OR5H15: variants seen among roughly 807,000 people sequenced by gnomAD.
OR5H15 encodes the protein olfactory receptor 5H15.
For missense variants in OR5H15, 405 were observed against 366.1 expected, an observed-to-expected ratio of 1.11 and a Z score of -0.87; for synonymous variants, 153 against 129.1, an observed-to-expected ratio of 1.19 and a Z score of -1.26.
In OR5H15 at chr3:98,168,777, C is replaced by G. The variant is rs188567114; in HGVS notation, c.78C>G (p.Pro26=). The G allele has an allele frequency of 1.6e-4, 254 of 1,613,452 alleles. 1 individual carries two copies. In the South Asian group the frequency reaches 2.2e-3, roughly 14 times the overall value. The change falls in exon 2 of 2, where the codon CCC becomes CCG. Residue 26 remains proline, a synonymous_variant. Transcript: ENST00000641450. ...GFLYQPQWKI[P]LFLAFLVIYL... ...TATATCAACCACAGTGGAAAATACC[C>G]CTGTTCTTGGCATTCTTGGTAATAT...
At position 98,169,454 on chromosome 3, in the gene OR5H15, A is replaced by C; in HGVS notation, c.755A>C (p.Tyr252Ser). 3.1e-6 allele frequency: 5 copies of C among 1,613,452 alleles called. No homozygotes were observed. Among genetic ancestry groups the C allele is most frequent in the Non-Finnish European group, 4.2e-6 (5 of 1,179,712 alleles). ...CATCTCTTCTCTGTCTGTTTATACT[A>C]TGGCCCCCTTCTCTTAATGTATGTG... ...GAHLFSVCLY[Y>S]GPLLLMYVGP... Residue 252 changes from tyrosine to serine, a missense_variant, in exon 2 of 2, where the codon TAT (tyrosine) becomes TCT (serine). Tyr to Ser is a moderately radical substitution (Grantham distance 144). Transcript: ENST00000641450.
In OR5H15 at chr3:98,169,750, A is replaced by C; in HGVS notation, c.*109A>C. On this transcript the variant is annotated 3_prime_UTR_variant, in exon 2 of 2. Coordinates refer to ENST00000641450, the MANE Select transcript of OR5H15 (RefSeq NM_001005515.2). Reference sequence around the variant, plus strand: ...GCAAGTATAACTGTCCTAGCACTTTAATGACCTAACATTTTAGTACCTAAT... The same window carrying C: ...GCAAGTATAACTGTCCTAGCACTTTCATGACCTAACATTTTAGTACCTAAT... 1.3e-6 allele frequency: 1 copy of C among 776,110 alleles called. No individual in the cohort carries two copies. The highest frequency in any genetic ancestry group is 1.5e-5 in the South Asian group (1 of 67,696). 48.1% of individuals were successfully genotyped at this position (776,110 alleles called of 1,614,324 possible).
At chr3:98,168,589 A>T in intron 1 of OR5H15, 93 bp from the exon 2 acceptor site, 1 of 1,395,688 alleles carries the variant, frequency 7.2e-7, no homozygotes, top group Non-Finnish European at 9.8e-7. Flanking sequence ...GAGGGTTCTG[A>T]TCATTTTAGG....
chr3:98,169,387 T>A lies in OR5H15; in HGVS notation c.688T>A (p.Ser230Thr). The change falls in exon 2 of 2, where the codon TCT becomes ACT. Residue 230 changes from serine (S) to threonine (T), a missense_variant. Coordinates refer to ENST00000641450, the MANE Select transcript of OR5H15 (RefSeq NM_001005515.2). ...TCTCTTCACAGTCTTAGAAAAGAAA[T>A]CTGATAAGGGTGTAAGGAAAGCCTT... ...FVLFTVLEKK[S>T]DKGVRKAFST... 1.9e-6 allele frequency: 3 copies of A among 1,613,464 alleles called. No individual in the cohort carries two copies. Among genetic ancestry groups the A allele is most frequent in the Non-Finnish European group, 1.7e-6 (2 of 1,179,620 alleles).
In OR5H15 at chr3:98,169,650, T is replaced by G. The variant is rs551039959; in HGVS notation, c.*9T>G. On this transcript the variant is annotated 3_prime_UTR_variant, in exon 2 of 2. Transcript: ENST00000641450. ...TTAAGGTTTCATACTAATATCCTTTTTCTATTTACTAAAATAGTCACAAAA... is the reference window on the plus strand; with the variant it reads ...TTAAGGTTTCATACTAATATCCTTTGTCTATTTACTAAAATAGTCACAAAA... The G allele has an allele frequency of 6.4e-7, 1 of 1,552,976 alleles. No homozygotes were observed. The highest frequency in any genetic ancestry group is 1.1e-5 in the South Asian group (1 of 87,784).
At chr3:98,167,502 G>C (rs1708736853) in intron 1 of OR5H15, among the ~76,000 whole-genome samples, 1 of 150,788 alleles carries the variant, frequency 6.6e-6, no homozygotes, top group Admixed American at 6.7e-5. Flanking sequence ...AGTTCTTTTG[G>C]CTTCTAGAGC....
At chr3:98,168,651 C>G (rs10212222) in intron 1 of OR5H15, 31 bp from the exon 2 acceptor site, 894,541 of 1,584,278 alleles carry the variant, frequency 0.56, 256,747 homozygotes, top group African/African-American at 0.85. Context: ...CATTGCAAAT[C>G]TTCCCTTTCA....
rs559995099 is a variant in OR5H15 at position 98,169,235 on chromosome 3, G to A, written c.536G>A (p.Cys179Tyr). The stretch of plus-strand genomic sequence containing the variant: ...TCCAACATAGTACATCACATTTACT[G>A]TGACACTATCCCATTGTCTAAGATT... The part of the protein sequence containing the change: ...CNSNIVHHIY[C>Y]DTIPLSKISC... Residue 179 changes from cysteine (C) to tyrosine (Y), a missense_variant, in exon 2 of 2, where the codon TGT becomes TAT. Physicochemically the swap from Cys to Tyr is radical, Grantham distance 194. Transcript: ENST00000641450. 2.5e-6 allele frequency: 4 copies of A among 1,611,388 alleles called. No individual in the cohort carries two copies. Among genetic ancestry groups the A allele is most frequent in the Admixed American group, 1.7e-5 (1 of 59,796 alleles).
chr3:98,168,988 T>C lies in OR5H15; in HGVS notation c.289T>C (p.Cys97Arg), dbSNP rs1708762256. 6.2e-7 allele frequency: 1 copy of C among 1,613,400 alleles called. No homozygotes were observed. Among genetic ancestry groups the C allele is most frequent in the South Asian group, 1.1e-5 (1 of 91,044 alleles). Reference sequence around the variant, plus strand: ...GAGTAAGATGATATCTCTCTCTGAATGCAAGATACAATTTTTTTCCATTGC... The same window carrying C: ...GAGTAAGATGATATCTCTCTCTGAACGCAAGATACAATTTTTTTCCATTGC... ...AKSKMISLSE[C>R]KIQFFSIAIG... is the part of the protein sequence containing the mutation. Residue 97 changes from cysteine to arginine, a missense_variant, in exon 2 of 2, where the codon TGC becomes CGC. Cys to Arg is a radical substitution (Grantham distance 180, BLOSUM62 -3). Coordinates refer to ENST00000641450, the MANE Select transcript of OR5H15 (RefSeq NM_001005515.2).
chr3:98,169,357 T>C lies in OR5H15; in HGVS notation c.658T>C (p.Phe220Leu), dbSNP rs202095437. 58 of 1,613,094 alleles carry C rather than the reference T, an allele frequency of 3.6e-5. No homozygotes were observed. The highest frequency in any genetic ancestry group is 2.7e-5 in the Non-Finnish European group (32 of 1,179,504). ...TGTGACTATTCTTATATCTTACACA[T>C]TTGTTCTCTTCACAGTCTTAGAAAA... ...SIVTILISYT[F>L]VLFTVLEKKS... Residue 220 changes from phenylalanine (F) to leucine (L), a missense_variant, in exon 2 of 2, where the codon TTT (phenylalanine) becomes CTT (leucine). Physicochemically the swap from Phe to Leu is conservative, Grantham distance 22. Coordinates refer to ENST00000641450, the MANE Select transcript of OR5H15 (RefSeq NM_001005515.2).
chr3:98,169,143 A>C lies in OR5H15; in HGVS notation c.444A>C (p.Ser148=), dbSNP rs1384798276. The change falls in exon 2 of 2, where the codon TCA becomes TCC. Residue 148 remains serine, a synonymous_variant. Coordinates refer to ENST00000641450, the MANE Select transcript of OR5H15 (RefSeq NM_001005515.2). ...NGLCIRLLIL[S]YIAGILHALI... ...TGTGCATCCGGCTATTAATCTTGTC[A>C]TATATAGCTGGTATTCTTCATGCTT... The C allele has an allele frequency of 1.2e-6, 2 of 1,613,548 alleles. No homozygotes were observed. The highest frequency in any genetic ancestry group is 1.7e-6 in the Non-Finnish European group (2 of 1,179,660).
intron 1 of OR5H15, among the ~76,000 whole-genome samples, chr3:98,167,379 C>CTT (rs35757336): frequency 0.062 from 4,453 of 71,842 alleles, 213 homozygotes; most frequent in African/African-American, 0.2. Flanking sequence ...CCCTGTACTT[C>CTT]TCTCTCTCTC....
In OR5H15 at chr3:98,169,681, C is replaced by G; in HGVS notation, c.*40C>G. ...TTACTAAAATAGTCACAAAATTACG[C>G]AAGTTAGAGGTACCTATGTTGTTTC... On this transcript the variant is annotated 3_prime_UTR_variant, in exon 2 of 2. Coordinates refer to ENST00000641450, the MANE Select transcript of OR5H15 (RefSeq NM_001005515.2). 2 of 1,421,112 alleles carry G rather than the reference C, an allele frequency of 1.4e-6. No homozygotes were observed. The highest frequency in any genetic ancestry group is 2.0e-6 in the Non-Finnish European group (2 of 1,023,866). The allele number at this position is 1,421,112 out of a possible 1,614,324, so 88.0% of individuals were successfully genotyped here.
Position 98,169,388 on chromosome 3 carries a change from C to T in OR5H15, c.689C>T (p.Ser230Phe). The T allele has an allele frequency of 6.2e-7, 1 of 1,613,330 alleles. No individual in the cohort carries two copies. ...FVLFTVLEKK[S>F]DKGVRKAFST... ...CTCTTCACAGTCTTAGAAAAGAAAT[C>T]TGATAAGGGTGTAAGGAAAGCCTTT... Residue 230 changes from serine (S) to phenylalanine (F), a missense_variant, in exon 2 of 2, where the codon TCT becomes TTT. By Grantham distance (155) the Ser-to-Phe change is radical. Transcript: ENST00000641450.
At chr3:98,167,787 C>T (rs747832421) in intron 1 of OR5H15, among the ~76,000 whole-genome samples, 2 of 151,972 alleles carry the variant, frequency 1.3e-5, no homozygotes, top group Non-Finnish European at 2.9e-5. Flanking sequence ...CCAGATGATG[C>T]TCACTCCAAA....
In OR5H15 at chr3:98,169,467, C is replaced by G. The variant is rs1708776584; in HGVS notation, c.768C>G (p.Leu256=). 6.2e-7 allele frequency: 1 copy of G among 1,613,048 alleles called. No homozygotes were observed. The highest frequency in any genetic ancestry group is 8.5e-7 in the Non-Finnish European group (1 of 1,179,712). Residue 256 remains leucine (L), a synonymous_variant, in exon 2 of 2, where the codon CTC becomes CTG. Transcript: ENST00000641450. The stretch of plus-strand genomic sequence containing the variant: ...TCTGTTTATACTATGGCCCCCTTCT[C>G]TTAATGTATGTGGGCCCTGCATCTC... The part of the protein sequence containing the change: ...FSVCLYYGPL[L]LMYVGPASPQ...
At position 98,169,513 on chromosome 3, in the gene OR5H15, A is replaced by G; in HGVS notation, c.814A>G (p.Met272Val). ...ATCTCCGCAAGCAGATGGTCAAAAT[A>G]TGGTGGAGCCTCTATTCTACACTGT... The part of the protein sequence containing the change: ...PASPQADGQN[M>V]VEPLFYTVII... The change falls in exon 2 of 2, where the codon ATG (methionine) becomes GTG (valine). Residue 272 changes from methionine to valine, a missense_variant. Coordinates refer to ENST00000641450, the MANE Select transcript of OR5H15 (RefSeq NM_001005515.2). 6.2e-7 allele frequency: 1 copy of G among 1,613,446 alleles called. No individual in the cohort carries two copies. The highest frequency in any genetic ancestry group is 8.5e-7 in the Non-Finnish European group (1 of 1,179,600).
At chr3:98,168,023 G>T (rs1336946677) in intron 1 of OR5H15, among the ~76,000 whole-genome samples, 1 of 151,892 alleles carries the variant, frequency 6.6e-6, no homozygotes, top group Non-Finnish European at 1.5e-5. Flanking sequence ...TCACCTGGAG[G>T]GTATTTTCAA....
rs1708768326 is a variant in OR5H15, at chr3:98,169,191, C to T, written c.492C>T (p.Phe164=). ...LHALIHEGFL[F]RLTFCNSNIV... ...CTTTAATCCATGAAGGATTTTTATT[C>T]AGACTAACCTTCTGTAACTCCAACA... The change falls in exon 2 of 2, where the codon TTC becomes TTT. Residue 164 remains phenylalanine, a synonymous_variant. Coordinates refer to ENST00000641450, the MANE Select transcript of OR5H15 (RefSeq NM_001005515.2). The T allele has an allele frequency of 1.2e-6, 2 of 1,613,092 alleles. No homozygotes were observed. Among genetic ancestry groups the T allele is most frequent in the Non-Finnish European group, 1.7e-6 (2 of 1,179,584 alleles).
Sources: allele counts gnomAD v4.1 joint callset (sites outside exome capture counted in the v4.1 genomes callset), GRCh38; gene constraint gnomAD v4.1.1; transcripts MANE v1.5; gene names NCBI Gene and HGNC (gene_info 2026-07-23, HGNC 2026-07-21).